The following ACE variants were observed in gnomAD, a reference collection of about 807,000 sequenced individuals.
The protein encoded by ACE is angiotensin-converting enzyme.
A neutral mutation model predicts 162.3 loss-of-function variants in ACE; 122 were observed. The ratio of observed to expected loss-of-function variants is 0.75; its 90% CI spans 0.65 to 0.87. ACE has a LOEUF of 0.87. ACE is among the 40% of genes least tolerant of loss of function. ACE has a pLI of 0.00. For synonymous variants in ACE, 796 were observed against 720.6 expected, an observed-to-expected ratio of 1.10 and a Z score of -1.68; for missense variants, 1,799 against 1,735.1, an observed-to-expected ratio of 1.04 and a Z score of -0.65.
chr17:63,488,547 T>TTTTTTTTTAGAC, intron 15 of ACE, 101 bp from the exon 16 acceptor site: 16 of 1,300,752 alleles, frequency 1.2e-5, no homozygotes, highest in South Asian at 7.5e-5. Flanking sequence ...CACTTTTATG[T>TTTTTTTTTAGAC]GGTTTCGCCA....
In ACE at chr17:63,491,456, T is replaced by C. The variant is rs879506131; in HGVS notation, c.2912+75T>C. On this transcript the variant is annotated intron_variant, in intron 19 of 24. Transcript: ENST00000290866. This position sits in a 1 kb window ranked among gnomAD's most constrained non-coding sequence, Gnocchi z 4.4. ...GAAATGAACCAAGCAAAGGGTCCAC[T>C]ACTGTCCCCCAGCTGGAGCCAGCAG... 2 of 1,585,174 alleles carry C rather than the reference T, an allele frequency of 1.3e-6. No individual in the cohort carries two copies. Among genetic ancestry groups the C allele is most frequent in the Admixed American group, 3.3e-5 (2 of 59,856 alleles).
chr17:63,490,136 A>G (rs994274730), intron 17 of ACE: 1 of 152,692 alleles, frequency 6.5e-6, no homozygotes, highest in African/African-American at 2.4e-5. Flanking sequence ...TCCATCACTC[A>G]TCGCTCTAAC....
intron 13 of ACE, among the ~76,000 whole-genome samples, chr17:63,485,982 G>T (rs1568040885): frequency 6.6e-6 from 1 of 152,078 alleles, no homozygotes; most frequent in African/African-American, 2.4e-5. Context: ...TCTAGTAACA[G>T]AATAATTTGT....
chr17:63,496,150 G>C, intron 22 of ACE: 1 of 551,708 alleles, frequency 1.8e-6, no homozygotes, highest in Non-Finnish European at 3.3e-6. Flanking sequence ...CTCCTGAGTT[G>C]TGGAGGCAGC....
In ACE at chr17:63,477,114, G is replaced by T. The variant is rs1451926480; in HGVS notation, c.20G>T (p.Arg7Leu). The T allele has an allele frequency of 2.3e-6, 3 of 1,328,986 alleles. No homozygotes were observed. The highest frequency in any genetic ancestry group is 4.1e-5 in the Admixed American group (1 of 24,644). 82.3% of individuals were successfully genotyped at this position (1,328,986 alleles called of 1,614,324 possible). A position where few individuals can be genotyped will look rare whatever the true frequency, so the allele number is the denominator to read the frequency against. Residue 7 changes from arginine (R) to leucine (L), a missense_variant, in exon 1 of 25, where the codon CGC (arginine) becomes CTC (leucine). Physicochemically the swap from Arg to Leu is moderately radical, Grantham distance 102. Transcript: ENST00000290866. MGAASGRRGPGLLLPLP... is the reference protein window; with the variant it reads MGAASGLRGPGLLLPLP... ...CGCGTCATGGGGGCCGCCTCGGGCC[G>T]CCGGGGGCCGGGGCTGCTGCTGCCG...
chr17:63,485,772 C>CAAAAAAAA, intron 13 of ACE: 1 of 94,928 alleles, frequency 1.1e-5, no homozygotes. Context: ...GAGACTCCAT[C>CAAAAAAAA]AAAAAAAAAA....
At chr17:63,493,722 G>A (rs2030541014) in intron 20 of ACE, 63 bp downstream of exon 20, 3 of 1,580,226 alleles carry the variant, frequency 1.9e-6, no homozygotes, top group East Asian at 2.3e-5. Context: ...AGCTTGGGAG[G>A]TGGGAAAGGG....
In ACE at chr17:63,477,947, T is replaced by A. The variant is rs765857431; in HGVS notation, c.266T>A (p.Leu89His). Residue 89 changes from leucine (L) to histidine (H), a missense_variant, in exon 2 of 25, where the codon CTC becomes CAC. Coordinates refer to ENST00000290866, the MANE Select transcript of ACE (RefSeq NM_000789.4). ...NARRQEEAAL[L>H]SQEFAEAWGQ... ...GCCCAATAGGAGGAAGCAGCCCTGCTCAGCCAGGAGTTTGCGGAGGCCTGG... is the reference window on the plus strand; with the variant it reads ...GCCCAATAGGAGGAAGCAGCCCTGCACAGCCAGGAGTTTGCGGAGGCCTGG... 5.0e-6 allele frequency: 8 copies of A among 1,611,420 alleles called. No individual in the cohort carries two copies. Among genetic ancestry groups the A allele is most frequent in the Non-Finnish European group, 5.1e-6 (6 of 1,179,188 alleles).
In ACE at chr17:63,479,781, T is replaced by A. The variant is rs1346356853; in HGVS notation, c.524T>A (p.Ile175Asn). The change falls in exon 4 of 25, where the codon ATC (isoleucine) becomes AAC (asparagine). Residue 175 changes from isoleucine to asparagine, a missense_variant. Ile to Asn is a moderately radical substitution (Grantham distance 149, BLOSUM62 -3). Transcript: ENST00000290866. ...GCCTGTGTCTCAGATCTCACCAACA[T>A]CCTGGCTTCCTCGCGAAGCTACGCC... ...CWSLDPDLTNILASSRSYAML... is the reference protein window; with the variant it reads ...CWSLDPDLTNNLASSRSYAML... 3.7e-6 allele frequency: 6 copies of A among 1,613,210 alleles called. No homozygotes were observed. The East Asian group carries it at 6.7e-5, about 18-fold the overall frequency.
intron 1 of ACE, 70 bp from the exon 2 acceptor site, chr17:63,477,861 G>T (rs932769473): frequency 7.1e-6 from 11 of 1,546,254 alleles, no homozygotes; most frequent in East Asian, 2.4e-5. Context: ...CCCCAGCACC[G>T]TGGCTTCTCC....
At chr17:63,482,253 A>T (rs1399876808) in intron 7 of ACE, among the ~76,000 whole-genome samples, 1 of 151,748 alleles carries the variant, frequency 6.6e-6, no homozygotes, top group Non-Finnish European at 1.5e-5. Flanking sequence ...GTGAGCTGAG[A>T]TTGTGCCACT....
In ACE at chr17:63,479,763, T is replaced by C. The variant is rs1237595177; in HGVS notation, c.512-6T>C. The C allele has an allele frequency of 1.9e-6, 3 of 1,613,210 alleles. No homozygotes were observed. The African/African-American group carries it at 4.0e-5, about 21-fold the overall frequency. On this transcript the variant is annotated splice_polypyrimidine_tract_variant and splice_region_variant and intron_variant, in intron 3 of 24. Transcript: ENST00000290866. ...TCCTCACCGACCCTGCCTGCCTGTG[T>C]CTCAGATCTCACCAACATCCTGGCT...
chr17:63,478,669 A>AAGAGAGAG, intron 2 of ACE: 1 of 398,644 alleles, frequency 2.5e-6, no homozygotes, highest in Admixed American at 3.6e-5. Context: ...CCCCAAAAAA[A>AAGAGAGAG]AGAGAGAGAG....
chr17:63,486,542 C>G lies in ACE; in HGVS notation c.2059-15C>G, dbSNP rs749210606. ...AGCTCCTGGGCCCTGTGACACCATC[C>G]CCCTGTGCCCTCAGCTGCAGAAGAA... On this transcript the variant is annotated splice_polypyrimidine_tract_variant and intron_variant, in intron 13 of 24. Coordinates refer to ENST00000290866, the MANE Select transcript of ACE (RefSeq NM_000789.4). 3.1e-6 allele frequency: 5 copies of G among 1,613,764 alleles called. No individual in the cohort carries two copies. The highest frequency in any genetic ancestry group is 4.2e-6 in the Non-Finnish European group (5 of 1,179,868).
At position 63,482,486 on chromosome 17, in the gene ACE, T is replaced by A. The variant is rs752385390; in HGVS notation, c.1139T>A (p.Val380Asp). ...KDFRIKQCTR[V>D]TMDQLSTVHH... ...CCCAGGATCAAGCAGTGCACACGGG[T>A]CACGATGGACCAGCTCTCCACAGTG... The change falls in exon 8 of 25, where the codon GTC (valine) becomes GAC (aspartate). Residue 380 changes from valine to aspartate, a missense_variant. By Grantham distance (152) the Val-to-Asp change is radical. Coordinates refer to ENST00000290866, the MANE Select transcript of ACE (RefSeq NM_000789.4). 1 of 1,613,834 alleles carries A rather than the reference T, an allele frequency of 6.2e-7. No individual in the cohort carries two copies. The highest frequency in any genetic ancestry group is 8.5e-7 in the Non-Finnish European group (1 of 1,179,964).
intron 8 of ACE, 38 bp downstream of exon 8, chr17:63,482,727 T>C (rs1192170208): frequency 6.3e-7 from 1 of 1,590,852 alleles, no homozygotes; most frequent in Non-Finnish European, 8.6e-7. Context: ...CAGCCTCACC[T>C]AAACCCCGCT....
chr17:63,492,375 A>C (rs1013244769), intron 19 of ACE, among the ~76,000 whole-genome samples: 3 of 152,250 alleles, frequency 2.0e-5, no homozygotes, highest in Non-Finnish European at 4.4e-5. Context: ...GAAGTGGCAA[A>C]GACCATCTGT....
chr17:63,477,879 C>G (rs1268877261), intron 1 of ACE, 52 bp from the exon 2 acceptor site: 1 of 1,567,166 alleles, frequency 6.4e-7, no homozygotes. Flanking sequence ...TCCTTTATGG[C>G]CTGCATCTAA....
intron 16 of ACE, 39 bp from the exon 17 acceptor site, chr17:63,488,902 A>T: frequency 6.2e-7 from 1 of 1,613,690 alleles, no homozygotes. Context: ...GAGGCAGGTA[A>T]TGTGGTGTTG....
Sources: gnomAD v4.1 joint callset for allele counts (sites outside exome capture counted in the v4.1 genomes callset) on GRCh38, gnomAD v4.1.1 for gene constraint, Gnocchi (gnomAD v3.1) non-coding constraint, MANE v1.5 for transcripts, NCBI Gene and HGNC (gene_info 2026-07-23, HGNC 2026-07-21) for gene names.